MSRB3: variants seen among roughly 807,000 people sequenced by gnomAD.
MSRB3 encodes the protein methionine sulfoxide reductase B3, also known as methionine-R-sulfoxide reductase B3.
Under a neutral mutation model 21.0 loss-of-function variants are expected in MSRB3, and 13 were observed. The observed-to-expected ratio is 0.62, with a 90% CI of 0.40 to 0.98. The LOEUF is 0.98. Among genes scored for constraint, MSRB3 ranks in the 50% least tolerant of loss-of-function variants. MSRB3 has a pLI of 0.00. For missense variants in MSRB3, 199 were observed against 230.3 expected (o/e 0.86, Z 0.88); for synonymous variants, 87 against 88.6 (o/e 0.98, Z 0.10).
At chr12:65,415,141 C>T (rs2136631937) in intron 5 of MSRB3, among the ~76,000 whole-genome samples, 1 of 152,198 alleles carries the variant, frequency 6.6e-6, no homozygotes, top group South Asian at 2.1e-4. Flanking sequence ...GCAAAGGATA[C>T]AGGGAGGGAG....
intron 6 of MSRB3, among the ~76,000 whole-genome samples, chr12:65,457,752 G>GA (rs1268664950): frequency 0.025 from 3,557 of 141,448 alleles, 146 homozygotes; most frequent in African/African-American, 0.084. Flanking sequence ...AAATTTACAA[G>GA]AAAAAAAAAA....
At position 65,466,553 on chromosome 12, in the gene MSRB3, A is replaced by AAC. The variant is rs1279401013; in HGVS notation, c.*3232_*3233insCA. On this transcript the variant is annotated 3_prime_UTR_variant, in exon 7 of 7. Transcript: ENST00000308259. Reference sequence around the variant, plus strand: ...GTGCAAAAAGTATAGCCTTACATTCAAGCAGAATGGATCTGAAGAAAGCAG... The same window carrying AAC: ...GTGCAAAAAGTATAGCCTTACATTCAACAGCAGAATGGATCTGAAGAAAGCAG... The AAC allele has an allele frequency of 6.6e-6, 1 of 152,194 alleles. No individual in the cohort carries two copies. Among genetic ancestry groups the AAC allele is most frequent in the Non-Finnish European group, 1.5e-5 (1 of 68,040 alleles). 9.4% of individuals were successfully genotyped at this position (152,194 alleles called of 1,614,324 possible).
At chr12:65,456,301 A>C (rs1565900364) in intron 6 of MSRB3, among the ~76,000 whole-genome samples, 1 of 152,228 alleles carries the variant, frequency 6.6e-6, no homozygotes, top group Admixed American at 6.5e-5. Flanking sequence ...GGCACAGAAA[A>C]ATGAAGCATA....
At chr12:65,425,058 T>TTATATATTTATATAAATATAAATATA (rs1881523302) in intron 5 of MSRB3, among the ~76,000 whole-genome samples, 1 of 135,946 alleles carries the variant, frequency 7.4e-6, no homozygotes, top group Non-Finnish European at 1.6e-5. Context: ...TTATATATAT[T>TTATATATTTATATAAATATAAATATA]TACAGTAGTT....
intron 2 of MSRB3, among the ~76,000 whole-genome samples, chr12:65,314,994 C>T (rs527507515): frequency 6.6e-6 from 1 of 152,242 alleles, no homozygotes; most frequent in South Asian, 2.1e-4. Flanking sequence ...TTGCTCTCAA[C>T]AAACACAAGT....
chr12:65,328,454 T>C (rs958232841), intron 3 of MSRB3, 72 bp from the exon 4 acceptor site: 2 of 1,075,748 alleles, frequency 1.9e-6, no homozygotes, highest in African/African-American at 1.6e-5. Flanking sequence ...TAGAGAAATA[T>C]ATTTTAAGCA....
chr12:65,425,926 G>A (rs1342470391), intron 5 of MSRB3, among the ~76,000 whole-genome samples: 3 of 152,032 alleles, frequency 2.0e-5, no homozygotes, highest in Non-Finnish European at 4.4e-5. Context: ...GTGTGATCTT[G>A]GCTCACTGAA....
At chr12:65,428,948 A>G (rs1881745656) in intron 5 of MSRB3, among the ~76,000 whole-genome samples, 1 of 152,122 alleles carries the variant, frequency 6.6e-6, no homozygotes. Context: ...CCCTTGTAAA[A>G]CAGCTCTCTT....
intron 5 of MSRB3, among the ~76,000 whole-genome samples, chr12:65,411,309 G>A (rs1880703877): frequency 6.6e-6 from 1 of 152,142 alleles, no homozygotes; most frequent in Non-Finnish European, 1.5e-5. Flanking sequence ...ATGGGAATGT[G>A]AGCCTTCCAT....
chr12:65,327,613 C>T (rs1875135823), intron 3 of MSRB3, among the ~76,000 whole-genome samples: 1 of 152,188 alleles, frequency 6.6e-6, no homozygotes, highest in South Asian at 2.1e-4. Flanking sequence ...TAATTTATAC[C>T]ATGGAGCTTG....
At chr12:65,399,094 T>A (rs1449322546) in intron 5 of MSRB3, among the ~76,000 whole-genome samples, 1 of 152,214 alleles carries the variant, frequency 6.6e-6, no homozygotes, top group South Asian at 2.1e-4. Context: ...ATAGGGCTGT[T>A]TTTTGGTTCC....
chr12:65,352,976 T>C (rs1162591730), intron 4 of MSRB3, among the ~76,000 whole-genome samples: 1 of 151,906 alleles, frequency 6.6e-6, no homozygotes, highest in African/African-American at 2.4e-5. Flanking sequence ...TTAAAGTTCA[T>C]ATGGAACCAA....
chr12:65,303,075 TGGGTGTGGTGGAG>T (rs1327148565), intron 1 of MSRB3, among the ~76,000 whole-genome samples: 4 of 152,128 alleles, frequency 2.6e-5, no homozygotes, highest in African/African-American at 9.7e-5. Flanking sequence ...CCTACAGTTC[TGGGTGTGGTGGAG>T]GGGAGCATTT....
At chr12:65,419,014 T>C in intron 5 of MSRB3, 1 of 713,818 alleles carries the variant, frequency 1.4e-6, no homozygotes, top group Non-Finnish European at 2.5e-6. Context: ...TTGCTCCATC[T>C]GCAGGGTGTA....
chr12:65,335,157 G>T lies in MSRB3; in HGVS notation c.263+6554G>T, dbSNP rs192656337. On this transcript the variant is annotated intron_variant, in intron 4 of 6. Transcript: ENST00000308259. ...CACCAAACAGGTGTAAAAACTAAAT[G>T]CAGAAAAATGCCTCGAATATGCCAG... Among the ~76,000 whole-genome samples the T allele has an allele frequency of 2.9e-3, 447 of 152,232 alleles. 6 individuals carry two copies. The highest frequency in any genetic ancestry group is 0.01 in the African/African-American group (433 of 41,550).
intron 5 of MSRB3, among the ~76,000 whole-genome samples, chr12:65,374,163 T>A (rs947333749): frequency 1.6e-4 from 25 of 152,354 alleles, no homozygotes; most frequent in African/African-American, 5.5e-4. Flanking sequence ...CCATACAGTT[T>A]AATTTCTTCA....
At chr12:65,319,566 T>C (rs144781988) in intron 2 of MSRB3, among the ~76,000 whole-genome samples, 191 of 152,290 alleles carry the variant, frequency 1.3e-3, no homozygotes, top group Middle Eastern at 6.8e-3. Flanking sequence ...ATTGTATAGA[T>C]TGTTTTTCTT....
At chr12:65,362,255 T>C (rs1877752837) in intron 4 of MSRB3, among the ~76,000 whole-genome samples, 1 of 152,306 alleles carries the variant, frequency 6.6e-6, no homozygotes, top group African/African-American at 2.4e-5. Context: ...TTATGTGGTA[T>C]TTTCAAAGGC....
At chr12:65,307,256 T>C (rs1873709653) in intron 1 of MSRB3, among the ~76,000 whole-genome samples, 1 of 152,160 alleles carries the variant, frequency 6.6e-6, no homozygotes, top group South Asian at 2.1e-4. Flanking sequence ...TTACCTTCCT[T>C]TTCCCTCCTC....
Sources: gnomAD v4.1 joint callset for allele counts (sites outside exome capture counted in the v4.1 genomes callset) on GRCh38, gnomAD v4.1.1 for gene constraint, MANE v1.5 for transcripts, NCBI Gene and HGNC (gene_info 2026-07-23, HGNC 2026-07-21) for gene names.